Variants in PPARGC1A observed in about 807,000 individuals in gnomAD.
PPARGC1A encodes the protein PPARG coactivator 1 alpha.
In PPARGC1A, 25 loss-of-function variants were observed where a neutral mutation model predicts 88.7. That is an observed-to-expected ratio of 0.28 (90% CI 0.21 to 0.39). The LOEUF (loss-of-function observed/expected upper bound fraction) is 0.39. Ranked by LOEUF, PPARGC1A falls within the 10% of genes least tolerant of loss-of-function variation. The pLI, the probability that PPARGC1A is intolerant of heterozygous loss-of-function variation, is 1.00. For missense variants in PPARGC1A, 880 were observed against 968.7 expected, an observed-to-expected ratio of 0.91 and a Z score of 1.22; for synonymous variants, 363 against 355.6, an observed-to-expected ratio of 1.02 and a Z score of -0.24.
At chr4:23,828,642 AC>A (rs1724446845) in intron 4 of PPARGC1A, 38 bp from the exon 5 acceptor site, 2 of 1,583,776 alleles carry the variant, frequency 1.3e-6, no homozygotes, top group Non-Finnish European at 1.7e-6. Flanking sequence ...AAATTAGTGA[AC>A]TGAACCTTAT....
intron 7 of PPARGC1A, among the ~76,000 whole-genome samples, chr4:23,818,958 C>A (rs546420663): frequency 5.5e-5 from 8 of 144,266 alleles, no homozygotes; most frequent in Non-Finnish European, 1.2e-4. Flanking sequence ...ATGTTGCATG[C>A]CAATTCAGGT....
the PPARGC1A span, among the ~76,000 whole-genome samples, chr4:24,272,564 T>C: frequency 6.6e-6 from 1 of 152,196 alleles, no homozygotes; most frequent in East Asian, 1.9e-4. Context: ...TAAGAACCAA[T>C]TGTTTATTCA....
the PPARGC1A span, among the ~76,000 whole-genome samples, chr4:24,156,741 T>TTC: frequency 2.6e-5 from 4 of 151,894 alleles, no homozygotes; most frequent in South Asian, 8.3e-4. Flanking sequence ...TCTCTCTTTT[T>TTC]TTTTTTTTTT....
At chr4:24,424,908 G>A in the PPARGC1A span, among the ~76,000 whole-genome samples, 17 of 152,246 alleles carry the variant, frequency 1.1e-4, no homozygotes, top group East Asian at 3.3e-3. Context: ...AGAGCCAGTC[G>A]GCACTTTGAA....
the PPARGC1A span, among the ~76,000 whole-genome samples, chr4:24,444,904 T>C: frequency 6.6e-6 from 1 of 152,000 alleles, no homozygotes; most frequent in East Asian, 1.9e-4. Flanking sequence ...GTTGTAAAAA[T>C]TAGCTGGACG....
the PPARGC1A span, among the ~76,000 whole-genome samples, chr4:24,340,863 C>A: frequency 6.6e-6 from 1 of 152,092 alleles, no homozygotes; most frequent in African/African-American, 2.4e-5. Flanking sequence ...TCTCATCCAC[C>A]CGCCACTCCC....
At chr4:24,138,065 T>C in the PPARGC1A span, among the ~76,000 whole-genome samples, 8 of 152,250 alleles carry the variant, frequency 5.3e-5, no homozygotes, top group East Asian at 5.8e-4. Context: ...CACGTGAGCA[T>C]AGAGCCCAAA....
At chr4:24,355,293 G>A in the PPARGC1A span, among the ~76,000 whole-genome samples, 2,220 of 152,198 alleles carry the variant, frequency 0.015, 56 homozygotes, top group African/African-American at 0.05. Context: ...CTTTCAAACC[G>A]AGCTAAGCAG....
the PPARGC1A span, among the ~76,000 whole-genome samples, chr4:24,351,302 C>T: frequency 4.0e-5 from 6 of 149,560 alleles, no homozygotes; most frequent in Non-Finnish European, 7.4e-5. Context: ...TTTACTGAAG[C>T]GAGAGGATCA....
At chr4:24,305,845 A>G in the PPARGC1A span, among the ~76,000 whole-genome samples, 4 of 152,140 alleles carry the variant, frequency 2.6e-5, no homozygotes, top group African/African-American at 7.2e-5. Context: ...GGCCATTATC[A>G]TTATTGGGAT....
chr4:23,829,765 A>G (rs375544895), intron 3 of PPARGC1A, 180 bp from the exon 4 acceptor site: 39 of 502,096 alleles, frequency 7.8e-5, no homozygotes, highest in East Asian at 4.7e-4. Flanking sequence ...TAAAGAGTAG[A>G]AAAAAGTTTG....
chr4:23,842,963 C>G (rs1416916494), intron 2 of PPARGC1A, among the ~76,000 whole-genome samples: 1 of 152,070 alleles, frequency 6.6e-6, no homozygotes, highest in African/African-American at 2.4e-5. Context: ...TCAATGTGAA[C>G]TATTTTTCCC....
At chr4:24,024,726 TAA>T in the PPARGC1A span, among the ~76,000 whole-genome samples, 8 of 152,246 alleles carry the variant, frequency 5.3e-5, no homozygotes, top group Non-Finnish European at 1.2e-4. Flanking sequence ...TCCCATTGGC[TAA>T]GTGTATCAAG....
At chr4:23,920,911 A>G in the PPARGC1A span, among the ~76,000 whole-genome samples, 11 of 152,152 alleles carry the variant, frequency 7.2e-5, no homozygotes, top group Non-Finnish European at 1.3e-4. Flanking sequence ...CAGAACTCCC[A>G]TCTCTGCTGA....
At chr4:24,190,798 G>A in the PPARGC1A span, among the ~76,000 whole-genome samples, 1 of 152,160 alleles carries the variant, frequency 6.6e-6, no homozygotes, top group Non-Finnish European at 1.5e-5. Flanking sequence ...ACTCCAGCCA[G>A]TGTTCAGCCC....
the PPARGC1A span, among the ~76,000 whole-genome samples, chr4:24,289,621 T>C: frequency 6.6e-6 from 1 of 152,198 alleles, no homozygotes; most frequent in Non-Finnish European, 1.5e-5. Context: ...TCACTAGTGA[T>C]TCCTCAATAT....
chr4:23,813,786 C>T lies in PPARGC1A; in HGVS notation c.1697G>A (p.Arg566His). ...TCGAGAAAAGGACCTTGAACGAGAG[C>T]GCATCCTTTGGGGTCTTTGAGAAAA... Reference protein sequence around the residue: ...SLFSQRPQRMRSRSRSFSRHR... With the variant: ...SLFSQRPQRMHSRSRSFSRHR... The change falls in exon 8 of 13, where the codon CGC (arginine) becomes CAC (histidine). Residue 566 changes from arginine to histidine, a missense_variant. Coordinates refer to ENST00000264867, the MANE Select transcript of PPARGC1A (RefSeq NM_013261.5). 4.3e-6 allele frequency: 7 copies of T among 1,613,314 alleles called. No individual in the cohort carries two copies. Among genetic ancestry groups the T allele is most frequent in the South Asian group, 2.2e-5 (2 of 91,066 alleles).
the PPARGC1A span, among the ~76,000 whole-genome samples, chr4:24,256,404 AG>A: frequency 6.6e-6 from 1 of 152,342 alleles, no homozygotes; most frequent in South Asian, 2.1e-4. Context: ...GCAGACAAAA[AG>A]GTTCAGAGCT....
At chr4:24,029,442 C>T in the PPARGC1A span, among the ~76,000 whole-genome samples, 1 of 152,172 alleles carries the variant, frequency 6.6e-6, no homozygotes, top group Non-Finnish European at 1.5e-5. Flanking sequence ...TGGGATTTAT[C>T]AGAAGGTTAA....
Sources: allele counts gnomAD v4.1 joint callset (sites outside exome capture counted in the v4.1 genomes callset), GRCh38; gene constraint gnomAD v4.1.1; transcripts MANE v1.5; gene names NCBI Gene and HGNC (gene_info 2026-07-23, HGNC 2026-07-21).